Variants in PAM observed in about 807,000 individuals in gnomAD.
The protein encoded by PAM is peptidyl-glycine alpha-amidating monooxygenase.
Under a neutral mutation model 122.1 loss-of-function variants are expected in PAM, and 72 were observed. The observed-to-expected ratio is 0.59, with a 90% confidence interval of 0.49 to 0.72. The LOEUF (loss-of-function observed/expected upper bound fraction) is 0.72, where lower values mean the gene tolerates loss of function less well. PAM is among the 30% of genes least tolerant of loss of function. The pLI is 0.00. For synonymous variants in PAM, 389 were observed against 404.4 expected (o/e 0.96, Z 0.46); for missense variants, 1,106 against 1,183.7 (o/e 0.93, Z 0.96).
rs1457203984 is a variant in PAM at position 103,029,199 on chromosome 5, C to T, written c.*134C>T. On this transcript the variant is annotated 3_prime_UTR_variant, in exon 26 of 26. Coordinates refer to ENST00000438793, the MANE Select transcript of PAM (RefSeq NM_001177306.2). ...TGTGGGACTGTACACACTTTATTTACTTCGTTTTGGTTAAGTTGGCTTCTG... is the reference window on the plus strand; with the variant it reads ...TGTGGGACTGTACACACTTTATTTATTTCGTTTTGGTTAAGTTGGCTTCTG... 3.2e-6 allele frequency: 2 copies of T among 617,370 alleles called. No individual in the cohort carries two copies. The highest frequency in any genetic ancestry group is 4.9e-6 in the Non-Finnish European group (2 of 404,434). The allele number at this position is 617,370 out of a possible 1,614,324, so 38.2% of individuals were successfully genotyped here. A position where few individuals can be genotyped will look rare whatever the true frequency, so the allele number is the denominator to read the frequency against.
chr5:102,936,432 C>T (rs1753274743), intron 7 of PAM, among the ~76,000 whole-genome samples: 1 of 152,124 alleles, frequency 6.6e-6, no homozygotes, highest in African/African-American at 2.4e-5. Context: ...AAAGATTTTA[C>T]TGACATCCTT....
At chr5:103,005,907 CTTGTTG>C (rs80026727) in intron 18 of PAM, among the ~76,000 whole-genome samples, 50 of 150,912 alleles carry the variant, frequency 3.3e-4, no homozygotes, top group African/African-American at 9.0e-4. Flanking sequence ...CTGTTCCTAA[CTTGTTG>C]TTGTTGTTGT....
intron 1 of PAM, among the ~76,000 whole-genome samples, chr5:102,817,316 A>G (rs1261137626): frequency 6.6e-6 from 1 of 152,116 alleles, no homozygotes; most frequent in African/African-American, 2.4e-5. Flanking sequence ...TACTATCTCA[A>G]TATGGTAGCC....
At chr5:102,773,964 G>A (rs935784255) in intron 1 of PAM, among the ~76,000 whole-genome samples, 5 of 151,988 alleles carry the variant, frequency 3.3e-5, no homozygotes, top group Non-Finnish European at 7.4e-5. Context: ...GAGAACATAA[G>A]GTATTTGGTT....
chr5:102,923,447 C>G (rs941079357), intron 5 of PAM, among the ~76,000 whole-genome samples: 1 of 152,150 alleles, frequency 6.6e-6, no homozygotes, highest in African/African-American at 2.4e-5. Context: ...TGTATTTGTC[C>G]TTGTCCTTTA....
chr5:103,007,666 T>C lies in PAM; in HGVS notation c.2215+9T>C. On this transcript the variant is annotated intron_variant, in intron 20 of 25. Transcript: ENST00000438793. ...AATTTCATATATACCAGGTATTTCA[T>C]CTTAATATGTTTGTTGTCTTCTGTC... 1 of 1,516,574 alleles carries C rather than the reference T, an allele frequency of 6.6e-7. No homozygotes were observed. Among genetic ancestry groups the C allele is most frequent in the Non-Finnish European group, 9.2e-7 (1 of 1,091,818 alleles). 93.9% of individuals were successfully genotyped at this position (1,516,574 alleles called of 1,614,324 possible). A position where few individuals can be genotyped will look rare whatever the true frequency, so the allele number is the denominator to read the frequency against.
chr5:102,896,385 A>G (rs140580986), intron 3 of PAM, among the ~76,000 whole-genome samples: 1 of 151,912 alleles, frequency 6.6e-6, no homozygotes, highest in East Asian at 1.9e-4. Flanking sequence ...AGTGATCTGT[A>G]TAAAACCCTA....
chr5:103,000,150 A>G (rs1776968372), intron 16 of PAM, among the ~76,000 whole-genome samples: 1 of 152,226 alleles, frequency 6.6e-6, no homozygotes, highest in Non-Finnish European at 1.5e-5. Flanking sequence ...CACTCAAGTT[A>G]CACCTTGAAT....
chr5:102,832,458 T>A (rs1467245249), intron 1 of PAM, among the ~76,000 whole-genome samples: 1 of 152,094 alleles, frequency 6.6e-6, no homozygotes, highest in Non-Finnish European at 1.5e-5. Flanking sequence ...CTGAATCCTA[T>A]ATATATTATG....
chr5:102,764,670 A>G (rs1243320490), intron 1 of PAM, among the ~76,000 whole-genome samples: 1 of 152,194 alleles, frequency 6.6e-6, no homozygotes, highest in Non-Finnish European at 1.5e-5. Flanking sequence ...AGTCCTGATC[A>G]GTTTTTCAAA....
intron 1 of PAM, among the ~76,000 whole-genome samples, chr5:102,816,362 A>G (rs2150258958): frequency 6.6e-6 from 1 of 152,288 alleles, no homozygotes; most frequent in Non-Finnish European, 1.5e-5. Flanking sequence ...AGGAGGAGAG[A>G]GAAGATGAGA....
intron 9 of PAM, among the ~76,000 whole-genome samples, chr5:102,948,928 A>C (rs1331566202): frequency 6.6e-6 from 1 of 152,120 alleles, no homozygotes; most frequent in Non-Finnish European, 1.5e-5. Flanking sequence ...AAGCGATGAG[A>C]ATAAGTATAT....
intron 22 of PAM, among the ~76,000 whole-genome samples, chr5:103,017,976 C>T (rs971087624): frequency 6.6e-6 from 1 of 152,180 alleles, no homozygotes; most frequent in African/African-American, 2.4e-5. Context: ...TTTGCTCCAT[C>T]AGGATCCTGC....
intron 4 of PAM, among the ~76,000 whole-genome samples, chr5:102,911,696 A>G (rs559325059): frequency 5.3e-5 from 8 of 152,056 alleles, no homozygotes; most frequent in Admixed American, 3.9e-4. Flanking sequence ...TCCCTTACCA[A>G]CAGCTGTCTT....
intron 1 of PAM, among the ~76,000 whole-genome samples, chr5:102,824,491 AG>A (rs1423105041): frequency 6.6e-6 from 1 of 152,170 alleles, no homozygotes; most frequent in African/African-American, 2.4e-5. Context: ...AGAATCTCCA[AG>A]TTTTTGTCTT....
intron 13 of PAM, 109 bp from the exon 14 acceptor site, chr5:102,961,049 C>A: frequency 3.4e-6 from 2 of 587,056 alleles, no homozygotes; most frequent in South Asian, 2.0e-5. Context: ...CGGTAATAAG[C>A]ACAAGACCCT....
intron 1 of PAM, among the ~76,000 whole-genome samples, chr5:102,834,749 A>T (rs1411350055): frequency 6.6e-6 from 1 of 152,122 alleles, no homozygotes; most frequent in Non-Finnish European, 1.5e-5. Context: ...TTGTGCTGGG[A>T]GAACTACCAG....
intron 3 of PAM, among the ~76,000 whole-genome samples, chr5:102,884,342 T>C (rs1446491572): frequency 6.6e-6 from 1 of 151,818 alleles, no homozygotes; most frequent in African/African-American, 2.4e-5. Context: ...TCTAGAGGGA[T>C]TTTCCATACA....
chr5:102,998,568 C>G lies in PAM; in HGVS notation c.1614-4465C>G, dbSNP rs144805103. Reference sequence around the variant, plus strand: ...CGGGATGGGGTAGAAAAGTAATGTACTAGTATATTCCAAGGAAATAAACTA... The same window carrying G: ...CGGGATGGGGTAGAAAAGTAATGTAGTAGTATATTCCAAGGAAATAAACTA... On this transcript the variant is annotated intron_variant, in intron 16 of 25. Coordinates refer to ENST00000438793, the MANE Select transcript of PAM (RefSeq NM_001177306.2). 2.7e-4 allele frequency among the ~76,000 whole-genome samples: 41 copies of G among 152,096 alleles called. 1 individual carries two copies. In the East Asian group the frequency reaches 6.8e-3, roughly 25 times the overall value.
Sources: allele counts gnomAD v4.1 joint callset (sites outside exome capture counted in the v4.1 genomes callset), GRCh38; gene constraint gnomAD v4.1.1; transcripts MANE v1.5; gene names NCBI Gene and HGNC (gene_info 2026-07-23, HGNC 2026-07-21).